ATP6V0C: variants seen among roughly 807,000 people sequenced by gnomAD.
ATP6V0C encodes ATPase H+ transporting V0 subunit c, also known as V-type proton ATPase 16 kDa proteolipid subunit c.
In ATP6V0C, 2 loss-of-function variants were observed where a neutral mutation model predicts 10.6. The observed-to-expected ratio is 0.19, with a 90% CI of 0.08 to 0.59. ATP6V0C has a LOEUF of 0.59. ATP6V0C is among the 20% of genes least tolerant of loss of function. The probability of loss-of-function intolerance (pLI) is 0.90; values close to 1 mark genes in which losing one functional copy is unlikely to be tolerated. For missense variants in ATP6V0C, 89 were observed against 225.9 expected (o/e 0.39, Z 3.88); for synonymous variants, 128 against 101.3 (o/e 1.26, Z -1.59).
In ATP6V0C at chr16:2,519,533, G is replaced by T. The variant is rs771258996; in HGVS notation, c.264-8G>T. 9 of 1,542,364 alleles carry T rather than the reference G, an allele frequency of 5.8e-6. No individual in the cohort carries two copies. Among genetic ancestry groups the T allele is most frequent in the African/African-American group, 4.1e-5 (3 of 73,228 alleles). ...CTGCTGATGTCAGTCCTCTCTTCTC[G>T]CCCCCAGGAGCTTCCTCCAGCTGGG... is the stretch of plus-strand genomic sequence containing the variant. On this transcript the variant is annotated splice_region_variant and splice_polypyrimidine_tract_variant and intron_variant, in intron 2 of 2. Transcript: ENST00000330398.
At chr16:2,515,583 C>G (rs140175349) in intron 1 of ATP6V0C, among the ~76,000 whole-genome samples, 1 of 152,134 alleles carries the variant, frequency 6.6e-6, no homozygotes, top group Non-Finnish European at 1.5e-5. Context: ...CTTCTCCTTC[C>G]CCCTAGGCAC....
At chr16:2,517,125 G>A (rs763359506) in intron 1 of ATP6V0C, 1 of 152,450 alleles carries the variant, frequency 6.6e-6, no homozygotes, top group Non-Finnish European at 1.5e-5. Context: ...GTGCATACAT[G>A]ATGCAGTTGG....
intron 1 of ATP6V0C, among the ~76,000 whole-genome samples, chr16:2,518,269 A>G (rs941803714): frequency 1.1e-4 from 16 of 152,324 alleles, no homozygotes; most frequent in African/African-American, 3.6e-4. Flanking sequence ...CCACTTTGAG[A>G]ATAGGGCCCA....
intron 1 of ATP6V0C, 168 bp downstream of exon 1, chr16:2,514,350 G>A: frequency 1.7e-6 from 1 of 600,780 alleles, no homozygotes; most frequent in Non-Finnish European, 2.5e-6. Context: ...AGGGCTGCGG[G>A]GAGCCGCCGG....
intron 1 of ATP6V0C, among the ~76,000 whole-genome samples, chr16:2,515,239 G>T (rs951196271): frequency 2.0e-5 from 3 of 152,062 alleles, no homozygotes; most frequent in Non-Finnish European, 4.4e-5. Context: ...ATGTGGGTCC[G>T]ACGAGTTAAG....
chr16:2,519,419 G>A lies in ATP6V0C; in HGVS notation c.263+18G>A, dbSNP rs2065896270. Reference sequence around the variant, plus strand: ...CTCTACAAGTGAGCACTGGGGTCAGGCCCCTGCCCAGGGCTGGAGGACTGC... The same window carrying A: ...CTCTACAAGTGAGCACTGGGGTCAGACCCCTGCCCAGGGCTGGAGGACTGC... On this transcript the variant is annotated intron_variant, in intron 2 of 2. Coordinates refer to ENST00000330398, the MANE Select transcript of ATP6V0C (RefSeq NM_001694.4). The A allele has an allele frequency of 6.2e-7, 1 of 1,604,830 alleles. No individual in the cohort carries two copies. Among genetic ancestry groups the A allele is most frequent in the African/African-American group, 1.3e-5 (1 of 74,816 alleles).
Position 2,520,072 on chromosome 16 carries a change from G to A in ATP6V0C, c.*327G>A, listed in dbSNP as rs1034965346. On this transcript the variant is annotated 3_prime_UTR_variant, in exon 3 of 3. Coordinates refer to ENST00000330398, the MANE Select transcript of ATP6V0C (RefSeq NM_001694.4). ...TCTGGCCTGTTCCTGCGTCTGCGGAGCGGCCCTTGTCTCCCAGCTATCTAT... is the reference window on the plus strand; with the variant it reads ...TCTGGCCTGTTCCTGCGTCTGCGGAACGGCCCTTGTCTCCCAGCTATCTAT... 5 of 623,030 alleles carry A rather than the reference G, an allele frequency of 8.0e-6. No individual in the cohort carries two copies. Among genetic ancestry groups the A allele is most frequent in the Non-Finnish European group, 1.5e-5 (5 of 335,664 alleles). 38.6% of individuals were successfully genotyped at this position (623,030 alleles called of 1,614,324 possible). A position where few individuals can be genotyped will look rare whatever the true frequency, so the allele number is the denominator to read the frequency against.
chr16:2,515,247 A>G (rs1259299568), intron 1 of ATP6V0C, among the ~76,000 whole-genome samples: 1 of 151,828 alleles, frequency 6.6e-6, no homozygotes. Context: ...CCGACGAGTT[A>G]AGTTCTGGCC....
At position 2,519,601 on chromosome 16, in the gene ATP6V0C, T is replaced by G. The variant is rs756170092; in HGVS notation, c.324T>G (p.Phe108Leu). Reference protein sequence around the residue: ...SVGLSGLAAGFAIGIVGDAGV... With the variant: ...SVGLSGLAAGLAIGIVGDAGV... ...GCCTGAGCGGCCTGGCAGCCGGCTT[T>G]GCCATCGGCATCGTGGGGGACGCTG... Residue 108 changes from phenylalanine to leucine, a missense_variant, in exon 3 of 3, where the codon TTT (phenylalanine) becomes TTG (leucine). By Grantham distance (22) the Phe-to-Leu change is conservative. Coordinates refer to ENST00000330398, the MANE Select transcript of ATP6V0C (RefSeq NM_001694.4). The G allele has an allele frequency of 6.3e-7, 1 of 1,590,354 alleles. No individual in the cohort carries two copies. Among genetic ancestry groups the G allele is most frequent in the South Asian group, 1.1e-5 (1 of 89,848 alleles).
intron 1 of ATP6V0C, chr16:2,517,563 C>A (rs961984046): frequency 2.0e-5 from 3 of 152,278 alleles, no homozygotes; most frequent in African/African-American, 7.2e-5. Context: ...GAGGTCACCG[C>A]GCCTGTGTCC....
chr16:2,516,097 C>CTTT (rs11367350), intron 1 of ATP6V0C, among the ~76,000 whole-genome samples: 14 of 125,016 alleles, frequency 1.1e-4, no homozygotes, highest in Admixed American at 3.2e-4. Context: ...CAGACAACTG[C>CTTT]TTTTTTTTTT....
chr16:2,514,223 C>T (rs2065865281), intron 1 of ATP6V0C, 41 bp downstream of exon 1: 15 of 1,511,226 alleles, frequency 9.9e-6, no homozygotes, highest in Non-Finnish European at 1.2e-5. Flanking sequence ...CGGGGGCGCG[C>T]GCGTTGCTCA....
intron 1 of ATP6V0C, 114 bp from the exon 2 acceptor site, chr16:2,519,103 CT>C: frequency 8.0e-7 from 1 of 1,249,948 alleles, no homozygotes; most frequent in Middle Eastern, 2.5e-4. Flanking sequence ...TCGGCTCCCC[CT>C]CTGCATGTGA....
intron 1 of ATP6V0C, 39 bp from the exon 2 acceptor site, chr16:2,519,179 T>C: frequency 6.4e-7 from 1 of 1,567,684 alleles, no homozygotes; most frequent in Non-Finnish European, 8.7e-7. Context: ...TCAACTGGCC[T>C]GCGTACTGCT....
Position 2,520,038 on chromosome 16 carries a change from T to G in ATP6V0C, c.*293T>G. 1.5e-6 allele frequency: 1 copy of G among 657,108 alleles called. No individual in the cohort carries two copies. Among genetic ancestry groups the G allele is most frequent in the Non-Finnish European group, 2.8e-6 (1 of 357,526 alleles). 40.7% of individuals were successfully genotyped at this position (657,108 alleles called of 1,614,324 possible). ...TCATTTCTCTTTACTGGATGTTTATTTATAAAGATCTGGCCTGTTCCTGCG... is the reference window on the plus strand; with the variant it reads ...TCATTTCTCTTTACTGGATGTTTATGTATAAAGATCTGGCCTGTTCCTGCG... On this transcript the variant is annotated 3_prime_UTR_variant, in exon 3 of 3. Coordinates refer to ENST00000330398, the MANE Select transcript of ATP6V0C (RefSeq NM_001694.4).
intron 1 of ATP6V0C, 36 bp from the exon 2 acceptor site, chr16:2,519,182 G>A (rs1283821322): frequency 4.4e-6 from 7 of 1,578,054 alleles, no homozygotes; most frequent in Non-Finnish European, 5.2e-6. Context: ...ACTGGCCTGC[G>A]TACTGCTGTG....
intron 1 of ATP6V0C, among the ~76,000 whole-genome samples, chr16:2,515,404 C>T (rs1051238632): frequency 6.6e-6 from 1 of 152,238 alleles, no homozygotes; most frequent in Non-Finnish European, 1.5e-5. Flanking sequence ...AGGGTTTGAA[C>T]TCCAAACAGT....
At chr16:2,518,654 A>G (rs924315297) in intron 1 of ATP6V0C, among the ~76,000 whole-genome samples, 4 of 152,130 alleles carry the variant, frequency 2.6e-5, no homozygotes, top group South Asian at 4.1e-4. Context: ...TCCTAGGTTA[A>G]TATTTGGGGC....
At chr16:2,519,505 A>T in intron 2 of ATP6V0C, 36 bp from the exon 3 acceptor site, 1 of 1,542,982 alleles carries the variant, frequency 6.5e-7, no homozygotes, top group Non-Finnish European at 8.8e-7. Context: ...CCTGGTTGGC[A>T]GGCTGCTGAT....
Sources: gnomAD v4.1 joint callset for allele counts (sites outside exome capture counted in the v4.1 genomes callset) on GRCh38, gnomAD v4.1.1 for gene constraint, MANE v1.5 for transcripts, NCBI Gene and HGNC (gene_info 2026-07-23, HGNC 2026-07-21) for gene names.